SAMD5: variants seen among roughly 807,000 people sequenced by gnomAD.
SAMD5 encodes sterile alpha motif domain-containing protein 5.
SAMD5 carries 13 observed loss-of-function variants against 11.3 expected under a neutral mutation model. The ratio of observed to expected loss-of-function variants is 1.15; its 90% confidence interval spans 0.75 to 1.83. The LOEUF (loss-of-function observed/expected upper bound fraction) is 1.83, where lower values mean the gene tolerates loss of function less well. Among genes scored for constraint, SAMD5 ranks in the 40% most tolerant of loss-of-function variants. The probability of loss-of-function intolerance (pLI) is 0.00; values close to 1 mark genes in which losing one functional copy is unlikely to be tolerated. For synonymous variants in SAMD5, 129 were observed against 111.3 expected, an observed-to-expected ratio of 1.16 and a Z score of -1.00; for missense variants, 255 against 239.1, an observed-to-expected ratio of 1.07 and a Z score of -0.44.
the SAMD5 span, among the ~76,000 whole-genome samples, chr6:147,828,382 A>T: frequency 6.6e-6 from 1 of 152,222 alleles, no homozygotes; most frequent in Non-Finnish European, 1.5e-5. Context: ...TGAAGGATGC[A>T]AAGTATTGTT....
chr6:147,759,527 G>C, the SAMD5 span, among the ~76,000 whole-genome samples: 1 of 151,636 alleles, frequency 6.6e-6, no homozygotes, highest in African/African-American at 2.4e-5. Context: ...GTCCTTAGTG[G>C]TAGGGTAAGA....
intron 1 of SAMD5, among the ~76,000 whole-genome samples, chr6:147,718,288 C>T (rs1335039636): frequency 2.0e-5 from 3 of 152,142 alleles, no homozygotes; most frequent in Non-Finnish European, 2.9e-5. Flanking sequence ...ACATCCCCCA[C>T]CGAGTGTGCA....
chr6:147,847,425 C>T, the SAMD5 span, among the ~76,000 whole-genome samples: 1 of 152,114 alleles, frequency 6.6e-6, no homozygotes, highest in Admixed American at 6.5e-5. Flanking sequence ...TTAAAAAAAA[C>T]CCACCTCAGT....
At chr6:147,935,066 C>T in the SAMD5 span, among the ~76,000 whole-genome samples, 1 of 152,156 alleles carries the variant, frequency 6.6e-6, no homozygotes, top group Non-Finnish European at 1.5e-5. Context: ...GATTCAGGTT[C>T]GTAACGTGCA....
At chr6:147,818,301 A>C in the SAMD5 span, among the ~76,000 whole-genome samples, 2 of 152,234 alleles carry the variant, frequency 1.3e-5, no homozygotes, top group Non-Finnish European at 2.9e-5. Context: ...AAGAATACTC[A>C]AAATTTTAGT....
At chr6:147,522,298 A>G (rs955355538) in intron 1 of SAMD5, among the ~76,000 whole-genome samples, 1 of 152,134 alleles carries the variant, frequency 6.6e-6, no homozygotes, top group Non-Finnish European at 1.5e-5. Flanking sequence ...GTATTTTGCT[A>G]TTATCCTGCT....
chr6:147,815,593 G>A, the SAMD5 span, among the ~76,000 whole-genome samples: 3 of 152,208 alleles, frequency 2.0e-5, no homozygotes, highest in Non-Finnish European at 2.9e-5. Flanking sequence ...CTGGAGGCAT[G>A]ACATGCTGTA....
the SAMD5 span, among the ~76,000 whole-genome samples, chr6:147,877,973 T>C: frequency 4.3e-4 from 56 of 128,768 alleles, no homozygotes; most frequent in African/African-American, 1.6e-3. Flanking sequence ...TGGACATCAG[T>C]GGTAAGATCA....
At chr6:147,704,191 G>C (rs539910709) in intron 1 of SAMD5, among the ~76,000 whole-genome samples, 1 of 152,200 alleles carries the variant, frequency 6.6e-6, no homozygotes, top group African/African-American at 2.4e-5. Flanking sequence ...CACTGCGCCT[G>C]GCCATTATTT....
chr6:147,927,881 G>A, the SAMD5 span, among the ~76,000 whole-genome samples: 1 of 152,148 alleles, frequency 6.6e-6, no homozygotes, highest in Non-Finnish European at 1.5e-5. Flanking sequence ...ATGAAGAAAT[G>A]TTAGATTTTA....
the SAMD5 span, among the ~76,000 whole-genome samples, chr6:147,763,928 G>C: frequency 2.0e-5 from 3 of 151,684 alleles, no homozygotes; most frequent in African/African-American, 7.2e-5. Flanking sequence ...ACTGAGATTT[G>C]CACCTGAAAT....
intron 1 of SAMD5, among the ~76,000 whole-genome samples, chr6:147,651,836 CT>C (rs2128453443): frequency 6.6e-6 from 1 of 152,270 alleles, no homozygotes; most frequent in Non-Finnish European, 1.5e-5. Context: ...ATTAGAGATT[CT>C]TTTACCAACT....
the SAMD5 span, among the ~76,000 whole-genome samples, chr6:147,780,605 T>C: frequency 3.3e-5 from 5 of 152,210 alleles, no homozygotes; most frequent in African/African-American, 4.8e-5. Flanking sequence ...ACCAAAGCAT[T>C]TGACTCAGTA....
At chr6:147,524,323 A>G (rs1788302378) in intron 1 of SAMD5, among the ~76,000 whole-genome samples, 1 of 151,992 alleles carries the variant, frequency 6.6e-6, no homozygotes, top group Admixed American at 6.6e-5. Flanking sequence ...CATCCCCAAC[A>G]TAGCTGGTTT....
At chr6:147,673,619 T>G (rs1355419103) in intron 1 of SAMD5, among the ~76,000 whole-genome samples, 2 of 152,168 alleles carry the variant, frequency 1.3e-5, no homozygotes, top group African/African-American at 4.8e-5. Flanking sequence ...TTTTCCTGGC[T>G]TAATAAAAGC....
the SAMD5 span, among the ~76,000 whole-genome samples, chr6:147,885,123 A>G: frequency 3.3e-5 from 5 of 152,214 alleles, no homozygotes; most frequent in Non-Finnish European, 5.9e-5. Context: ...AACTGCCAGT[A>G]TTGCTTTTGT....
intron 1 of SAMD5, among the ~76,000 whole-genome samples, chr6:147,605,201 C>T (rs1236068362): frequency 6.6e-6 from 1 of 152,176 alleles, no homozygotes; most frequent in African/African-American, 2.4e-5. Context: ...CAGCCTTGAA[C>T]TCCTGGACTC....
chr6:147,512,275 A>G (rs1788102343), intron 1 of SAMD5, among the ~76,000 whole-genome samples: 1 of 152,078 alleles, frequency 6.6e-6, no homozygotes, highest in Non-Finnish European at 1.5e-5. Flanking sequence ...AGTATTTTTG[A>G]TGTGCATTTG....
chr6:147,741,617 G>C (rs917721793), downstream of SAMD5: 1 of 152,192 alleles, frequency 6.6e-6, no homozygotes, highest in African/African-American at 2.4e-5. Context: ...CGTATGTGTT[G>C]TTGGCAGGTA....
Sources: gnomAD v4.1 joint callset for allele counts (sites outside exome capture counted in the v4.1 genomes callset) on GRCh38, gnomAD v4.1.1 for gene constraint, MANE v1.5 for transcripts, NCBI Gene and HGNC (gene_info 2026-07-23, HGNC 2026-07-21) for gene names.